Variants in CSE1L observed in about 807,000 individuals in gnomAD.
CSE1L encodes exportin-2.
Under a neutral mutation model 120.4 loss-of-function variants are expected in CSE1L, and 24 were observed. That is an observed-to-expected ratio of 0.20 (90% CI 0.14 to 0.28). CSE1L has a LOEUF of 0.28. CSE1L is among the 10% of genes least tolerant of loss of function. CSE1L has a pLI of 1.00. For missense variants in CSE1L, 830 were observed against 1,145.2 expected (o/e 0.72, Z 3.97); for synonymous variants, 402 against 398.3 (o/e 1.01, Z -0.11).
intron 15 of CSE1L, 94 bp from the exon 16 acceptor site, chr20:49,085,189 A>T (rs1281564129): frequency 1.1e-6 from 1 of 887,418 alleles, no homozygotes. Context: ...GCTCAGTTTT[A>T]TGCTGAGAAG....
chr20:49,080,982 T>C (rs994352814), intron 14 of CSE1L, among the ~76,000 whole-genome samples: 2 of 134,928 alleles, frequency 1.5e-5, no homozygotes, highest in African/African-American at 6.3e-5. Flanking sequence ...TTTCTTTCTT[T>C]CTCCTTCTTT....
chr20:49,066,325 T>C (rs953962923), intron 4 of CSE1L, 32 bp downstream of exon 4: 3 of 1,613,964 alleles, frequency 1.9e-6, no homozygotes, highest in Non-Finnish European at 2.5e-6. Flanking sequence ...GATGGGCTCC[T>C]CTGTAAAGCT....
At chr20:49,089,216 G>C (rs1188807326) in intron 17 of CSE1L, 31 bp from the exon 18 acceptor site, 1 of 1,496,562 alleles carries the variant, frequency 6.7e-7, no homozygotes, top group Non-Finnish European at 8.9e-7. Context: ...TGGATTATTA[G>C]CATAATTAGG....
In CSE1L at chr20:49,085,329, A is replaced by G. The variant is rs200292430; in HGVS notation, c.1666A>G (p.Asn556Asp). 3 of 1,613,974 alleles carry G rather than the reference A, an allele frequency of 1.9e-6. No homozygotes were observed. The highest frequency in any genetic ancestry group is 2.5e-6 in the Non-Finnish European group (3 of 1,179,984). ...ACCGTTTGTTGAGATTCTGCTAACA[A>G]ACCTTTTCAAAGCTCTCACACTTCC... Reference protein sequence around the residue: ...IAPFVEILLTNLFKALTLPGS... With the variant: ...IAPFVEILLTDLFKALTLPGS... Residue 556 changes from asparagine (N) to aspartate (D), a missense_variant, in exon 16 of 25, where the codon AAC (asparagine) becomes GAC (aspartate). Coordinates refer to ENST00000262982, the MANE Select transcript of CSE1L (RefSeq NM_001316.4).
At chr20:49,047,564 CTTTTTTTTTTTTTTTTTTTTTT>C (rs59986218) in intron 1 of CSE1L, among the ~76,000 whole-genome samples, 1 of 69,928 alleles carries the variant, frequency 1.4e-5, no homozygotes, top group Non-Finnish European at 2.6e-5. Context: ...TTTCTCTTTT[CTTTTTTTTTTTTTTTTTTTTTT>C]TTTTTTGAGA....
chr20:49,095,496 G>A (rs1248847673), intron 24 of CSE1L, among the ~76,000 whole-genome samples: 5 of 151,548 alleles, frequency 3.3e-5, no homozygotes, highest in Non-Finnish European at 7.4e-5. Flanking sequence ...TTATTTTTTT[G>A]TGGAGACAGG....
At chr20:49,054,527 T>A (rs1418131842) in intron 1 of CSE1L, among the ~76,000 whole-genome samples, 1 of 152,178 alleles carries the variant, frequency 6.6e-6, no homozygotes, top group Non-Finnish European at 1.5e-5. Context: ...TTAAATCTGA[T>A]CTTTATTTAT....
In CSE1L at chr20:49,068,861, T is replaced by C. The variant is rs2091912412; in HGVS notation, c.675+39T>C. Reference sequence around the variant, plus strand: ...ATTTCTTGCTTTTGGTTCTTACTCTTTGATTTTAAATAGAGTTTTCTTTCT... The same window carrying C: ...ATTTCTTGCTTTTGGTTCTTACTCTCTGATTTTAAATAGAGTTTTCTTTCT... On this transcript the variant is annotated intron_variant, in intron 7 of 24. Coordinates refer to ENST00000262982, the MANE Select transcript of CSE1L (RefSeq NM_001316.4). The C allele has an allele frequency of 2.2e-6, 3 of 1,345,160 alleles. No homozygotes were observed. The African/African-American group carries it at 4.3e-5, about 19-fold the overall frequency. The allele number at this position is 1,345,160 out of a possible 1,614,324, so 83.3% of individuals were successfully genotyped here.
At position 49,094,593 on chromosome 20, in the gene CSE1L, A is replaced by G; in HGVS notation, c.2595-139A>G. ...GGGGAAGAACTGAATAAGCCAAGAA[A>G]AGAACCATCTTAATTTCAAAGGTCC... On this transcript the variant is annotated intron_variant, in intron 23 of 24. Transcript: ENST00000262982. The G allele has an allele frequency of 4.5e-6, 3 of 667,232 alleles. No homozygotes were observed. In the South Asian group the frequency reaches 5.9e-5, roughly 13 times the overall value. 41.3% of individuals were successfully genotyped at this position (667,232 alleles called of 1,614,324 possible).
In CSE1L at chr20:49,094,287, G is replaced by A. The variant is rs1169247638; in HGVS notation, c.2594+1G>A. On this transcript the variant is annotated splice_donor_variant, in intron 23 of 24. Coordinates refer to ENST00000262982, the MANE Select transcript of CSE1L (RefSeq NM_001316.4). LOFTEE classifies it high-confidence loss of function. ...TGGACACTGAGTATACCAAACTGTG[G>A]TAAGTACTTCATTTTAATATTTTTG... 6.2e-7 allele frequency: 1 copy of A among 1,603,742 alleles called. No individual in the cohort carries two copies. Among genetic ancestry groups the A allele is most frequent in the Admixed American group, 1.8e-5 (1 of 56,788 alleles).
intron 12 of CSE1L, among the ~76,000 whole-genome samples, chr20:49,076,520 CTTT>C (rs35713931): frequency 3.1e-4 from 25 of 79,588 alleles, no homozygotes; most frequent in African/African-American, 8.4e-4. Flanking sequence ...CCCTCTCTCT[CTTT>C]TTTTTTTTTT....
At chr20:49,060,296 A>G (rs558192250) in intron 2 of CSE1L, among the ~76,000 whole-genome samples, 4 of 151,402 alleles carry the variant, frequency 2.6e-5, no homozygotes, top group Admixed American at 6.6e-5. Flanking sequence ...ATCCTGGCCA[A>G]TGTGGTGAAA....
chr20:49,077,856 T>C (rs930953664), intron 13 of CSE1L, among the ~76,000 whole-genome samples: 4 of 152,106 alleles, frequency 2.6e-5, no homozygotes, highest in African/African-American at 4.8e-5. Flanking sequence ...ATACAAAAAC[T>C]AGCCGGGCGT....
In CSE1L at chr20:49,094,088, A is replaced by G. The variant is rs115507487; in HGVS notation, c.2448-52A>G. On this transcript the variant is annotated intron_variant, in intron 22 of 24. Transcript: ENST00000262982. ...GTAACTAACATCTAAGCATTTTACT[A>G]TTTCATTATAGTGATAATCTAATAT... is the stretch of plus-strand genomic sequence containing the variant. 1.2e-4 allele frequency: 141 copies of G among 1,131,288 alleles called. No individual in the cohort carries two copies. In the African/African-American group the frequency reaches 1.9e-3, roughly 15 times the overall value. The allele number at this position is 1,131,288 out of a possible 1,614,324, so 70.1% of individuals were successfully genotyped here. A position where few individuals can be genotyped will look rare whatever the true frequency, so the allele number is the denominator to read the frequency against.
intron 2 of CSE1L, among the ~76,000 whole-genome samples, chr20:49,060,504 A>G (rs559718229): frequency 6.6e-6 from 1 of 150,930 alleles, no homozygotes; most frequent in African/African-American, 2.4e-5. Flanking sequence ...GGACAGGCAC[A>G]TTTGCTCACG....
intron 2 of CSE1L, among the ~76,000 whole-genome samples, chr20:49,061,862 A>G (rs2091856019): frequency 1.3e-5 from 2 of 152,046 alleles, no homozygotes; most frequent in Admixed American, 6.6e-5. Context: ...TATTCAGGAC[A>G]GAGTATAAAA....
intron 14 of CSE1L, among the ~76,000 whole-genome samples, chr20:49,080,987 TTC>T (rs58604636): frequency 0.35 from 52,452 of 148,966 alleles, 9,806 homozygotes; most frequent in African/African-American, 0.52. Flanking sequence ...TTCTTTCTCC[TTC>T]TTTTTTTTTT....
At position 49,089,621 on chromosome 20, in the gene CSE1L, T is replaced by C. The variant is rs1225509781; in HGVS notation, c.2056T>C (p.Phe686Leu). ...CATCCCGTCTTCCTATATGGCCTTA[T>C]TTCCTCATCTCCTTCAGCCAGTGCT... ...NDIPSSYMAL[F>L]PHLLQPVLWE... Residue 686 changes from phenylalanine (F) to leucine (L), a missense_variant, in exon 19 of 25, where the codon TTT becomes CTT. Coordinates refer to ENST00000262982, the MANE Select transcript of CSE1L (RefSeq NM_001316.4). The C allele has an allele frequency of 2.5e-6, 4 of 1,614,180 alleles. No homozygotes were observed. The highest frequency in any genetic ancestry group is 2.2e-5 in the East Asian group (1 of 44,886).
intron 14 of CSE1L, among the ~76,000 whole-genome samples, chr20:49,079,340 C>T (rs899624894): frequency 2.6e-5 from 4 of 151,998 alleles, no homozygotes; most frequent in Admixed American, 2.6e-4. Context: ...GATTCTCCTG[C>T]CTCGGCCTCC....
Sources: allele counts gnomAD v4.1 joint callset (sites outside exome capture counted in the v4.1 genomes callset), GRCh38; gene constraint gnomAD v4.1.1; transcripts MANE v1.5; gene names NCBI Gene and HGNC (gene_info 2026-07-23, HGNC 2026-07-21).